The following VPS51 variants were observed in gnomAD, a reference collection of about 807,000 sequenced individuals.
VPS51 encodes vacuolar protein sorting-associated protein 51 homolog.
A neutral mutation model predicts 65.1 loss-of-function variants in VPS51; 55 were observed. The observed-to-expected ratio is 0.84, with a 90% CI of 0.68 to 1.06. The LOEUF (loss-of-function observed/expected upper bound fraction) is 1.06, where lower values mean the gene tolerates loss of function less well. Ranked by LOEUF, VPS51 falls within the 50% of genes least tolerant of loss-of-function variation. The probability of loss-of-function intolerance (pLI) is 0.00; values close to 1 mark genes in which losing one functional copy is unlikely to be tolerated. For synonymous variants in VPS51, 473 were observed against 489.5 expected (o/e 0.97, Z 0.44); for missense variants, 943 against 1,101.6 (o/e 0.86, Z 2.04).
chr11:65,111,765 A>T lies in VPS51; in HGVS notation c.*178A>T. The T allele has an allele frequency of 8.4e-7, 1 of 1,185,148 alleles. No individual in the cohort carries two copies. The highest frequency in any genetic ancestry group is 1.1e-6 in the Non-Finnish European group (1 of 871,752). 73.4% of individuals were successfully genotyped at this position (1,185,148 alleles called of 1,614,324 possible). On this transcript the variant is annotated 3_prime_UTR_variant, in exon 10 of 10. Transcript: ENST00000279281. ...CGGGGTTTTGAAGCTGAGGCTTCTG[A>T]GGCGCCCGCGTCGGGTCCGCCCCCG...
intron 2 of VPS51, among the ~76,000 whole-genome samples, chr11:65,101,834 C>T (rs914580250): frequency 6.8e-6 from 1 of 147,356 alleles, no homozygotes; most frequent in African/African-American, 2.5e-5. Flanking sequence ...AAGTGGACAG[C>T]TCCATGGATT....
Position 65,109,160 on chromosome 11 carries a change from T to G in VPS51, c.1444-120T>G, listed in dbSNP as rs537983133. On this transcript the variant is annotated intron_variant, in intron 5 of 9. Transcript: ENST00000279281. ...GGAAGCTGCTCCGGGGTACTTAGAA[T>G]GTAGGATGATGCTGTCCCTTGCAGA... 1.5e-5 allele frequency: 18 copies of G among 1,179,234 alleles called. No homozygotes were observed. The East Asian group carries it at 4.2e-4, about 28-fold the overall frequency. 73.0% of individuals were successfully genotyped at this position (1,179,234 alleles called of 1,614,324 possible). A position where few individuals can be genotyped will look rare whatever the true frequency, so the allele number is the denominator to read the frequency against.
chr11:65,096,522 G>A, intron 1 of VPS51, 44 bp downstream of exon 1: 1 of 1,349,010 alleles, frequency 7.4e-7, no homozygotes, highest in Non-Finnish European at 1.0e-6. Flanking sequence ...AGGGGGGAAG[G>A]GAACCAGGCC....
At position 65,109,773 on chromosome 11, in the gene VPS51, G is replaced by C. The variant is rs1233789774; in HGVS notation, c.1728G>C (p.Leu576=). The change falls in exon 7 of 10, where the codon CTG becomes CTC. Residue 576 remains leucine, a synonymous_variant. Coordinates refer to ENST00000279281, the MANE Select transcript of VPS51 (RefSeq NM_013265.4). ...CCAGGGAAACGGCGCGGCGGCTGCT[G>C]ACCCACTACGTGAAGGTGCAGGGCC... The part of the protein sequence containing the change: ...AEARETARRL[L]THYVKVQGLV... 6.2e-7 allele frequency: 1 copy of C among 1,603,564 alleles called. No homozygotes were observed. The highest frequency in any genetic ancestry group is 8.5e-7 in the Non-Finnish European group (1 of 1,175,984).
chr11:65,110,496 C>G lies in VPS51; in HGVS notation c.1893C>G (p.Tyr631Ter). The change falls in exon 8 of 10, where the codon TAC becomes TAG. Residue 631 changes from tyrosine (Y) to a stop codon, truncating the protein, a stop_gained. Transcript: ENST00000279281. LOFTEE classifies it high-confidence loss of function. ...TTTACCACCAGGTGGGGCTCCTGTA[C>G]GAAGAGGGTGTTCGCAAGGCCCAGA... ...TAIDVQVGLL[Y>*]EEGVRKAQSS... The G allele has an allele frequency of 1.2e-6, 2 of 1,613,906 alleles. No individual in the cohort carries two copies. The highest frequency in any genetic ancestry group is 4.5e-5 in the East Asian group (2 of 44,880).
chr11:65,097,213 G>T (rs1947777296), intron 2 of VPS51, 86 bp downstream of exon 2: 6 of 1,572,158 alleles, frequency 3.8e-6, no homozygotes, highest in Non-Finnish European at 5.2e-6. Context: ...GGATTTAGAG[G>T]GGGGAGACTC....
intron 2 of VPS51, among the ~76,000 whole-genome samples, chr11:65,106,899 G>C (rs1396697630): frequency 2.6e-5 from 4 of 152,142 alleles, no homozygotes; most frequent in African/African-American, 9.7e-5. Flanking sequence ...GAGTGTCAGA[G>C]GACAGTAGAG....
At position 65,110,613 on chromosome 11, in the gene VPS51, G is replaced by A. The variant is rs994994385; in HGVS notation, c.2000+10G>A. On this transcript the variant is annotated intron_variant, in intron 8 of 9. Coordinates refer to ENST00000279281, the MANE Select transcript of VPS51 (RefSeq NM_013265.4). ...CCAGCTATACCCCCAGGTCTGGCTG[G>A]TCAGGGGAGCCCCAGGGGGAAGGGA... 1.2e-6 allele frequency: 2 copies of A among 1,614,094 alleles called. No homozygotes were observed. The highest frequency in any genetic ancestry group is 3.3e-5 in the Admixed American group (2 of 60,036).
chr11:65,105,431 A>G (rs1380372229), intron 2 of VPS51: 1 of 151,766 alleles, frequency 6.6e-6, no homozygotes, highest in East Asian at 1.9e-4. Flanking sequence ...GTGATCTACC[A>G]TATGGAAAGG....
chr11:65,108,243 C>CT lies in VPS51; in HGVS notation c.773dup (p.Leu259AlafsTer106), dbSNP rs1481549719. The stretch of plus-strand genomic sequence containing the variant: ...GGAGCAGGCAGAGTGCGTGGAGCTG[C>CT]TGCTGGCCCTGGGCGAGCCTGCGGA... On this transcript the variant is annotated frameshift_variant, in exon 5 of 10. Coordinates refer to ENST00000279281, the MANE Select transcript of VPS51 (RefSeq NM_013265.4). LOFTEE classifies it high-confidence loss of function. 6 of 1,599,536 alleles carry CT rather than the reference C, an allele frequency of 3.8e-6. No homozygotes were observed. The highest frequency in any genetic ancestry group is 5.1e-6 in the Non-Finnish European group (6 of 1,174,774).
At chr11:65,099,093 C>T (rs1480595334) in intron 2 of VPS51, among the ~76,000 whole-genome samples, 2 of 152,082 alleles carry the variant, frequency 1.3e-5, no homozygotes, top group African/African-American at 4.8e-5. Flanking sequence ...GAGGCTGAGG[C>T]AGGAGAATTG....
intron 2 of VPS51, among the ~76,000 whole-genome samples, chr11:65,106,389 C>T (rs1200335447): frequency 6.6e-6 from 1 of 152,194 alleles, no homozygotes; most frequent in African/African-American, 2.4e-5. Flanking sequence ...GAAAGAGAAG[C>T]AAGGCATCTT....
At position 65,108,887 on chromosome 11, in the gene VPS51, G is replaced by A. The variant is rs758822492; in HGVS notation, c.1416G>A (p.Val472=). The A allele has an allele frequency of 3.2e-5, 52 of 1,612,950 alleles. No individual in the cohort carries two copies. The highest frequency in any genetic ancestry group is 4.1e-5 in the Non-Finnish European group (48 of 1,180,032). Residue 472 remains valine, a synonymous_variant, in exon 5 of 10, where the codon GTG becomes GTA. Coordinates refer to ENST00000279281, the MANE Select transcript of VPS51 (RefSeq NM_013265.4). The stretch of plus-strand genomic sequence containing the variant: ...TGCACCTTTTCACCGCCAAAGAGGT[G>A]TCCTTCTCCAACAAGCCCTACTTCC... ...AAVHLFTAKE[V]SFSNKPYFRG...
chr11:65,096,839 C>A, intron 1 of VPS51, 159 bp from the exon 2 acceptor site: 2 of 1,126,166 alleles, frequency 1.8e-6, no homozygotes, highest in Non-Finnish European at 2.5e-6. Context: ...CTGAGCTAGG[C>A]CACTTAGGGC....
In VPS51 at chr11:65,096,329, C is replaced by T; in HGVS notation, c.79C>T (p.Pro27Ser). ...DSPEGPEGEA[P>S]ERRRKAHGML... ...CCCAGAAGGGCCCGAGGGGGAGGCT[C>T]CGGAGCGTCGGCGGAAGGCGCACGG... Residue 27 changes from proline (P) to serine (S), a missense_variant, in exon 1 of 10, where the codon CCG becomes TCG. Pro to Ser is a moderately conservative substitution (Grantham distance 74, BLOSUM62 -1). Coordinates refer to ENST00000279281, the MANE Select transcript of VPS51 (RefSeq NM_013265.4). 1.3e-6 allele frequency: 2 copies of T among 1,510,836 alleles called. No homozygotes were observed. Among genetic ancestry groups the T allele is most frequent in the Non-Finnish European group, 1.8e-6 (2 of 1,135,290 alleles). The allele number at this position is 1,510,836 out of a possible 1,614,324, so 93.6% of individuals were successfully genotyped here.
At chr11:65,110,110 C>T (rs1947882151) in intron 7 of VPS51, 187 bp downstream of exon 7, 3 of 693,860 alleles carry the variant, frequency 4.3e-6, no homozygotes, top group East Asian at 5.5e-5. Flanking sequence ...GAACAAGTCT[C>T]CAAGGATGAA....
In VPS51 at chr11:65,107,772, T is replaced by G; in HGVS notation, c.506-31T>G. 1.2e-6 allele frequency: 2 copies of G among 1,604,458 alleles called. No individual in the cohort carries two copies. Among genetic ancestry groups the G allele is most frequent in the East Asian group, 4.5e-5 (2 of 44,536 alleles). On this transcript the variant is annotated intron_variant, in intron 3 of 9. Transcript: ENST00000279281. This position sits in a 1 kb window ranked among gnomAD's most constrained non-coding sequence, Gnocchi z 4.0. ...GCCTGCAGTGGGCCTTTCCTGGGGC[T>G]CTGGGGCTAACGTCACCCTCCGTCC...
At position 65,108,011 on chromosome 11, in the gene VPS51, G is replaced by A. The variant is rs1377826675; in HGVS notation, c.714G>A (p.Arg238=). The part of the protein sequence containing the change: ...VITARLAQQL[R]QRFREGGSGA... ...CGGCCCGCCTGGCCCAGCAGCTGCGGCAGCGCTTTAGGTGTGGCCCCTCTG... is the reference window on the plus strand; with the variant it reads ...CGGCCCGCCTGGCCCAGCAGCTGCGACAGCGCTTTAGGTGTGGCCCCTCTG... Residue 238 remains arginine (R), a synonymous_variant, in exon 4 of 10, where the codon CGG becomes CGA. Transcript: ENST00000279281. 8 of 1,530,010 alleles carry A rather than the reference G, an allele frequency of 5.2e-6. No homozygotes were observed. The highest frequency in any genetic ancestry group is 2.4e-5 in the East Asian group (1 of 41,072). The allele number at this position is 1,530,010 out of a possible 1,614,324, so 94.8% of individuals were successfully genotyped here.
chr11:65,105,462 T>C (rs1414391083), intron 2 of VPS51: 1 of 152,130 alleles, frequency 6.6e-6, no homozygotes, highest in African/African-American at 2.4e-5. Context: ...TTTTATGGCA[T>C]TGTTTGGGAA....
Sources: gnomAD v4.1 joint callset for allele counts (sites outside exome capture counted in the v4.1 genomes callset) on GRCh38, gnomAD v4.1.1 for gene constraint, Gnocchi (gnomAD v3.1) non-coding constraint, MANE v1.5 for transcripts, NCBI Gene and HGNC (gene_info 2026-07-23, HGNC 2026-07-21) for gene names.